Variants in ECRG4 observed in about 807,000 individuals in gnomAD.
ECRG4 encodes the protein ECRG4 augurin precursor.
In ECRG4, 18 loss-of-function variants were observed where a neutral mutation model predicts 15.8. The observed-to-expected ratio is 1.14, with a 90% CI of 0.79 to 1.69. The LOEUF is 1.69. Ranked by LOEUF, ECRG4 falls within the 40% of genes most tolerant of loss-of-function variation. The pLI is 0.00. For synonymous variants in ECRG4, 82 were observed against 73.9 expected, an observed-to-expected ratio of 1.11 and a Z score of -0.56; for missense variants, 200 against 190.9, an observed-to-expected ratio of 1.05 and a Z score of -0.28.
At chr2:106,067,059 C>CGGGGCGGGGGGGG (rs1207345148) in intron 1 of ECRG4, among the ~76,000 whole-genome samples, 5 of 4,262 alleles carry the variant, frequency 1.2e-3, no homozygotes, top group Admixed American at 3.1e-3. Flanking sequence ...TTTGGGAGGC[C>CGGGGCGGGGGGGG]GGGGGGGGGG....
intron 3 of ECRG4, among the ~76,000 whole-genome samples, chr2:106,076,776 G>A (rs1412593305): frequency 1.3e-5 from 2 of 152,180 alleles, no homozygotes; most frequent in Non-Finnish European, 2.9e-5. Flanking sequence ...ATGTTGGGGT[G>A]CATGGGCCAC....
chr2:106,075,161 G>T (rs1676458204), intron 3 of ECRG4, among the ~76,000 whole-genome samples: 1 of 152,136 alleles, frequency 6.6e-6, no homozygotes, highest in South Asian at 2.1e-4. Flanking sequence ...TCTCTGTACA[G>T]TTTGCCTTTT....
Position 106,071,834 on chromosome 2 carries a change from A to G in ECRG4, c.80-10A>G, listed in dbSNP as rs781048337. On this transcript the variant is annotated splice_polypyrimidine_tract_variant and intron_variant, in intron 1 of 3. Coordinates refer to ENST00000238044, the MANE Select transcript of ECRG4 (RefSeq NM_032411.3). Reference sequence around the variant, plus strand: ...AACTCTGATATGGATTTCAATTTTCATTCCTTTAGGTGGCATAAGTGGAAA... The same window carrying G: ...AACTCTGATATGGATTTCAATTTTCGTTCCTTTAGGTGGCATAAGTGGAAA... 6.2e-7 allele frequency: 1 copy of G among 1,612,816 alleles called. No individual in the cohort carries two copies. The highest frequency in any genetic ancestry group is 8.5e-7 in the Non-Finnish European group (1 of 1,178,928).
chr2:106,066,640 T>C (rs1333728798), intron 1 of ECRG4, among the ~76,000 whole-genome samples: 3 of 152,182 alleles, frequency 2.0e-5, no homozygotes, highest in African/African-American at 4.8e-5. Context: ...GCAGGGATTG[T>C]TACCTCAGAG....
intron 3 of ECRG4, among the ~76,000 whole-genome samples, chr2:106,075,053 T>C (rs1455152061): frequency 6.6e-6 from 1 of 152,146 alleles, no homozygotes; most frequent in African/African-American, 2.4e-5. Context: ...GGTAAACATG[T>C]ATAGCCAAAC....
chr2:106,071,803 C>A, intron 1 of ECRG4, 41 bp from the exon 2 acceptor site: 1 of 1,536,830 alleles, frequency 6.5e-7, no homozygotes, highest in Non-Finnish European at 9.0e-7. Flanking sequence ...TTGAAGGGAG[C>A]AGTATAACTC....
chr2:106,073,904 C>T lies in ECRG4; in HGVS notation c.146C>T (p.Thr49Ile). The change falls in exon 3 of 4, where the codon ACT becomes ATT. Residue 49 changes from threonine to isoleucine, a missense_variant. Transcript: ENST00000238044. ...QKREAPVPTK[T>I]KVAVDENKAK... ...ATTTCAGCACCTGTTCCAACTAAGA[C>T]TAAAGTGGCCGTTGATGAGAATAAA... is the stretch of plus-strand genomic sequence containing the variant. 1.9e-6 allele frequency: 3 copies of T among 1,614,220 alleles called. No individual in the cohort carries two copies. The highest frequency in any genetic ancestry group is 2.5e-6 in the Non-Finnish European group (3 of 1,180,028).
At chr2:106,073,849 T>C in intron 2 of ECRG4, 37 bp from the exon 3 acceptor site, 1 of 1,607,938 alleles carries the variant, frequency 6.2e-7, no homozygotes, top group South Asian at 1.1e-5. Context: ...AGGAAGTCAT[T>C]CTTTGTGCTT....
rs1231206110 is a variant in ECRG4 at position 106,067,062 on chromosome 2, G to GGCGGA, written c.79+1220_79+1221insCGGAG. Among the ~76,000 whole-genome samples the GGCGGA allele has an allele frequency of 6.4e-3, 469 of 72,970 alleles. 53 individuals carry two copies. Among genetic ancestry groups the GGCGGA allele is most frequent in the East Asian group, 0.021 (26 of 1,230 alleles). The allele number at this position is 72,970 out of a possible 152,430, so 47.9% of individuals were successfully genotyped here. On this transcript the variant is annotated intron_variant, in intron 1 of 3. Coordinates refer to ENST00000238044, the MANE Select transcript of ECRG4 (RefSeq NM_032411.3). ...TAATCCCAGCACTTTGGGAGGCCGG[G>GGCGGA]GGGGGGGGGGGGGCAGATCACCTGA... is the stretch of plus-strand genomic sequence containing the variant.
At chr2:106,066,147 G>C (rs1403189589) in intron 1 of ECRG4, among the ~76,000 whole-genome samples, 1 of 152,220 alleles carries the variant, frequency 6.6e-6, no homozygotes, top group African/African-American at 2.4e-5. Context: ...GTGTTTCGTG[G>C]CTTAACGTAA....
intron 2 of ECRG4, chr2:106,072,183 C>G (rs962630924): frequency 1.0e-5 from 3 of 291,274 alleles, no homozygotes; most frequent in Non-Finnish European, 1.3e-5. Flanking sequence ...ATTTTAGGAC[C>G]ATGGAGCACT....
chr2:106,068,655 C>T (rs1676274985), intron 1 of ECRG4, among the ~76,000 whole-genome samples: 1 of 151,238 alleles, frequency 6.6e-6, no homozygotes, highest in East Asian at 1.9e-4. Context: ...TTGTTAAGCA[C>T]TTTCACAGAA....
chr2:106,071,119 A>G lies in ECRG4; in HGVS notation c.80-725A>G, dbSNP rs146173128. ...TTTAGGGTGATCTGGGCAAGCTACA[A>G]AACTGGGCTGCACTTTTAGAGAGCA... On this transcript the variant is annotated intron_variant, in intron 1 of 3. Transcript: ENST00000238044. 116 of 430,486 alleles carry G rather than the reference A, an allele frequency of 2.7e-4. 1 individual carries two copies. The highest frequency in any genetic ancestry group is 4.9e-4 in the Non-Finnish European group (104 of 211,688). The allele number at this position is 430,486 out of a possible 1,614,324, so 26.7% of individuals were successfully genotyped here. A position where few individuals can be genotyped will look rare whatever the true frequency, so the allele number is the denominator to read the frequency against.
At chr2:106,074,841 CAT>C (rs1280327418) in intron 3 of ECRG4, among the ~76,000 whole-genome samples, 2 of 152,110 alleles carry the variant, frequency 1.3e-5, no homozygotes, top group East Asian at 1.9e-4. Context: ...AAAATGGGCA[CAT>C]GATTCATTTA....
chr2:106,063,653 G>A (rs956694792), upstream of ECRG4, among the ~76,000 whole-genome samples: 6 of 152,178 alleles, frequency 3.9e-5, no homozygotes, highest in Non-Finnish European at 1.5e-5. Context: ...CGCAATCTCG[G>A]CTCACTGCAA....
chr2:106,077,479 C>T (rs976990700), intron 3 of ECRG4, among the ~76,000 whole-genome samples: 18 of 152,090 alleles, frequency 1.2e-4, no homozygotes, highest in African/African-American at 3.9e-4. Flanking sequence ...ATTTGATTTA[C>T]CAAGAGAGAG....
At chr2:106,065,657 G>T (rs1223098416), upstream of ECRG4, 24 of 825,098 alleles carry the variant, frequency 2.9e-5, no homozygotes, top group Non-Finnish European at 3.8e-5. Flanking sequence ...AGCGACGCAG[G>T]GATAACCCGC....
Position 106,073,978 on chromosome 2 carries a change from G to A in ECRG4, c.220G>A (p.Asp74Asn), listed in dbSNP as rs1676427977. ...GAAGCGCCAGAAGCGGCAGCTGTGGGACCGGACTCGGCCCGAGGTGCAGCA... is the reference window on the plus strand; with the variant it reads ...GAAGCGCCAGAAGCGGCAGCTGTGGAACCGGACTCGGCCCGAGGTGCAGCA... Reference protein sequence around the residue: ...SLKRQKRQLWDRTRPEVQQWY... With the variant: ...SLKRQKRQLWNRTRPEVQQWY... The change falls in exon 3 of 4, where the codon GAC (aspartate) becomes AAC (asparagine). Residue 74 changes from aspartate to asparagine, a missense_variant. Transcript: ENST00000238044. The A allele has an allele frequency of 6.2e-7, 1 of 1,614,146 alleles. No individual in the cohort carries two copies. The highest frequency in any genetic ancestry group is 8.5e-7 in the Non-Finnish European group (1 of 1,180,052).
At chr2:106,071,585 G>A (rs1676374742) in intron 1 of ECRG4, among the ~76,000 whole-genome samples, 3 of 152,164 alleles carry the variant, frequency 2.0e-5, no homozygotes, top group Non-Finnish European at 4.4e-5. Flanking sequence ...AGGGCTAAAA[G>A]AACAGCATCA....
Sources: gnomAD v4.1 joint callset for allele counts (sites outside exome capture counted in the v4.1 genomes callset) on GRCh38, gnomAD v4.1.1 for gene constraint, MANE v1.5 for transcripts, NCBI Gene and HGNC (gene_info 2026-07-23, HGNC 2026-07-21) for gene names.